Variants in ERC1 observed in about 807,000 individuals in gnomAD.
ERC1 encodes the protein RAB6 interacting protein 2.
In ERC1, 56 loss-of-function variants were observed where a neutral mutation model predicts 132.0. The observed-to-expected ratio is 0.42, with a 90% CI of 0.34 to 0.53. The LOEUF (loss-of-function observed/expected upper bound fraction) is 0.53, where lower values mean the gene tolerates loss of function less well. Ranked by LOEUF, ERC1 falls within the 20% of genes least tolerant of loss-of-function variation. The probability of loss-of-function intolerance (pLI) is 0.03; values close to 1 mark genes in which losing one functional copy is unlikely to be tolerated. For missense variants in ERC1, 1,202 were observed against 1,349.9 expected, an observed-to-expected ratio of 0.89 and a Z score of 1.72; for synonymous variants, 478 against 476.1, an observed-to-expected ratio of 1.00 and a Z score of -0.05.
chr12:1,203,929 G>A (rs1407356902), intron 12 of ERC1: 1 of 152,398 alleles, frequency 6.6e-6, no homozygotes, highest in East Asian at 1.9e-4. Flanking sequence ...TTTGGAGTGA[G>A]AAGTACTAGT....
At chr12:1,120,565 C>A (rs983555670) in intron 7 of ERC1, among the ~76,000 whole-genome samples, 1 of 152,098 alleles carries the variant, frequency 6.6e-6, no homozygotes, top group African/African-American at 2.4e-5. Context: ...AATTAAAGTT[C>A]TTTTCTTGTT....
chr12:1,004,948 A>G (rs910496311), intron 1 of ERC1, among the ~76,000 whole-genome samples: 5 of 151,910 alleles, frequency 3.3e-5, no homozygotes, highest in African/African-American at 1.2e-4. Flanking sequence ...CTTCTGATTC[A>G]TCATTAAGAA....
At chr12:1,224,281 A>G (rs1209128403) in intron 12 of ERC1, among the ~76,000 whole-genome samples, 2 of 152,060 alleles carry the variant, frequency 1.3e-5, no homozygotes, top group Non-Finnish European at 2.9e-5. Context: ...ACAGACACGC[A>G]TACACAGGAC....
chr12:1,136,423 C>T lies in ERC1; in HGVS notation c.1570-5197C>T, dbSNP rs763823196. Among the ~76,000 whole-genome samples, 56 of 152,198 alleles carry T rather than the reference C, an allele frequency of 3.7e-4. 1 individual carries two copies. The highest frequency in any genetic ancestry group is 7.1e-4 in the Non-Finnish European group (48 of 68,024). On this transcript the variant is annotated intron_variant, in intron 7 of 18. Transcript: ENST00000360905. ...TTTCTGTACTTTTAGAAAATATTCT[C>T]TACACTTCTGTTGCAGCACTTTCTA...
At chr12:1,262,863 T>C (rs1018022873) in intron 13 of ERC1, among the ~76,000 whole-genome samples, 171 bp from the exon 14 acceptor site, 1 of 152,208 alleles carries the variant, frequency 6.6e-6, no homozygotes, top group African/African-American at 2.4e-5. Flanking sequence ...TCAGCCTCCT[T>C]CTTTCCTTTC....
chr12:1,120,957 A>G (rs1430497468), intron 7 of ERC1, among the ~76,000 whole-genome samples: 1 of 152,172 alleles, frequency 6.6e-6, no homozygotes, highest in Non-Finnish European at 1.5e-5. Context: ...TGACTTCTTC[A>G]GCATACTAAG....
At chr12:1,240,004 T>TATAG (rs1160487053) in intron 13 of ERC1, among the ~76,000 whole-genome samples, 1 of 152,296 alleles carries the variant, frequency 6.6e-6, no homozygotes, top group East Asian at 1.9e-4. Context: ...ATCACTGCGC[T>TATAG]ATAGCATCAT....
At chr12:1,055,800 A>C (rs1269139989) in intron 2 of ERC1, among the ~76,000 whole-genome samples, 1 of 152,196 alleles carries the variant, frequency 6.6e-6, no homozygotes, top group Non-Finnish European at 1.5e-5. Flanking sequence ...ATAATGGTAC[A>C]TCATGGGTGA....
At chr12:1,354,523 TA>T (rs57274272) in intron 15 of ERC1, among the ~76,000 whole-genome samples, 10 of 147,964 alleles carry the variant, frequency 6.8e-5, no homozygotes, top group African/African-American at 9.9e-5. Flanking sequence ...AACTCCATCT[TA>T]AAAAAAAAAA....
chr12:1,254,604 C>T (rs930582589), intron 13 of ERC1, among the ~76,000 whole-genome samples: 8 of 152,124 alleles, frequency 5.3e-5, no homozygotes, highest in Non-Finnish European at 1.0e-4. Flanking sequence ...CCACCGCCTC[C>T]CCGGTTCAGG....
intron 18 of ERC1, 137 bp from the exon 19 acceptor site, chr12:1,489,956 A>G (rs1050352391): frequency 1.2e-5 from 12 of 1,004,678 alleles, no homozygotes; most frequent in Non-Finnish European, 1.7e-5. Flanking sequence ...TTGCTTTTAC[A>G]CTTTTCTTAT....
At chr12:1,205,069 C>T (rs969539811) in intron 12 of ERC1, among the ~76,000 whole-genome samples, 1 of 152,030 alleles carries the variant, frequency 6.6e-6, no homozygotes, top group African/African-American at 2.4e-5. Flanking sequence ...GGCACTGTAG[C>T]GGAACATATT....
chr12:1,028,033 A>G lies in ERC1; in HGVS notation c.130A>G (p.Ser44Gly). Reference sequence around the variant, plus strand: ...CAACAGTACGGGAGGGAGTTCGGGAAGCAGTGTTGGAGGTGGCAGTGGGAA... The same window carrying G: ...CAACAGTACGGGAGGGAGTTCGGGAGGCAGTGTTGGAGGTGGCAGTGGGAA... ...RTNSTGGSSG[S>G]SVGGGSGKTL... The change falls in exon 2 of 19, where the codon AGC (serine) becomes GGC (glycine). Residue 44 changes from serine (S) to glycine (G), a missense_variant. Coordinates refer to ENST00000360905, the MANE Select transcript of ERC1 (RefSeq NM_178040.4). 1 of 1,614,200 alleles carries G rather than the reference A, an allele frequency of 6.2e-7. No individual in the cohort carries two copies. Among genetic ancestry groups the G allele is most frequent in the Non-Finnish European group, 8.5e-7 (1 of 1,180,038 alleles).
intron 14 of ERC1, among the ~76,000 whole-genome samples, chr12:1,267,923 G>A (rs1484377861): frequency 2.6e-5 from 4 of 152,174 alleles, no homozygotes; most frequent in South Asian, 2.1e-4. Context: ...GATGTTCAAG[G>A]TTATAGGATT....
intron 1 of ERC1, among the ~76,000 whole-genome samples, chr12:1,012,377 C>G (rs964183218): frequency 6.6e-6 from 1 of 151,962 alleles, no homozygotes; most frequent in Admixed American, 6.6e-5. Flanking sequence ...TACCACCTAG[C>G]TTAAGAAATA....
intron 15 of ERC1, among the ~76,000 whole-genome samples, chr12:1,367,661 T>A (rs1276579512): frequency 6.6e-6 from 1 of 152,130 alleles, no homozygotes; most frequent in Admixed American, 6.6e-5. Context: ...TTTCTGAAAT[T>A]TGCCCAGATG....
intron 4 of ERC1, among the ~76,000 whole-genome samples, chr12:1,107,801 G>A (rs1284943156): frequency 6.6e-6 from 1 of 152,134 alleles, no homozygotes; most frequent in Non-Finnish European, 1.5e-5. Flanking sequence ...CTGGGAGAAT[G>A]TCAACCCTTT....
intron 3 of ERC1, among the ~76,000 whole-genome samples, chr12:1,100,541 G>T (rs151031849): frequency 6.9e-4 from 105 of 152,336 alleles, no homozygotes; most frequent in African/African-American, 2.3e-3. Flanking sequence ...AGAGCAGTGT[G>T]ATGGTGGAGG....
intron 8 of ERC1, among the ~76,000 whole-genome samples, chr12:1,160,618 G>A (rs1407057891): frequency 6.6e-6 from 1 of 152,138 alleles, no homozygotes; most frequent in Non-Finnish European, 1.5e-5. Flanking sequence ...GGCTGAGGCT[G>A]TAGAATTTCT....
Sources: allele counts gnomAD v4.1 joint callset (sites outside exome capture counted in the v4.1 genomes callset), GRCh38; gene constraint gnomAD v4.1.1; transcripts MANE v1.5; gene names NCBI Gene and HGNC (gene_info 2026-07-23, HGNC 2026-07-21).